The following TRPV3 variants were observed in gnomAD, a reference collection of about 807,000 sequenced individuals.
TRPV3 encodes VRL-3.
In TRPV3, 88 loss-of-function variants were observed where a neutral mutation model predicts 87.1. The ratio of observed to expected loss-of-function variants is 1.01; its 90% CI spans 0.85 to 1.21. The LOEUF (loss-of-function observed/expected upper bound fraction) is 1.21. Ranked by LOEUF, TRPV3 falls within the 50% of genes most tolerant of loss-of-function variation. The pLI, the probability that TRPV3 is intolerant of heterozygous loss-of-function variation, is 0.00. For synonymous variants in TRPV3, 438 were observed against 423.3 expected, an observed-to-expected ratio of 1.03 and a Z score of -0.43; for missense variants, 1,054 against 1,030.1, an observed-to-expected ratio of 1.02 and a Z score of -0.32.
chr17:3,522,687 C>T (rs1429942693), intron 13 of TRPV3, among the ~76,000 whole-genome samples: 2 of 151,544 alleles, frequency 1.3e-5, no homozygotes, highest in Non-Finnish European at 2.9e-5. Flanking sequence ...GGGCATGGTG[C>T]ATGCCTGTAG....
chr17:3,516,440 C>G lies in TRPV3; in HGVS notation c.2198+17G>C. On this transcript the variant is annotated intron_variant, in intron 16 of 17. Coordinates refer to ENST00000576742, the MANE Select transcript of TRPV3 (RefSeq NM_145068.4). ...ACCCCAAAGACCACCACCCCAGGGCCCTTCTCCCTTTGTTACCGCAAACAC... is the reference window on the plus strand; with the variant it reads ...ACCCCAAAGACCACCACCCCAGGGCGCTTCTCCCTTTGTTACCGCAAACAC... 6.2e-7 allele frequency: 1 copy of G among 1,607,044 alleles called. No individual in the cohort carries two copies.
At chr17:3,554,574 C>T (rs910484157) in intron 2 of TRPV3, 158 bp downstream of exon 2, 5 of 614,002 alleles carry the variant, frequency 8.1e-6, no homozygotes, top group Non-Finnish European at 1.4e-5. Context: ...CTCCCCACCG[C>T]ACCATCCCCT....
chr17:3,538,781 C>T (rs2074431391), intron 6 of TRPV3, among the ~76,000 whole-genome samples: 1 of 152,144 alleles, frequency 6.6e-6, no homozygotes, highest in South Asian at 2.1e-4. Context: ...GATGGGTTTT[C>T]ACCATGTTGG....
chr17:3,535,782 G>C, intron 6 of TRPV3, 69 bp from the exon 7 acceptor site: 1 of 1,396,542 alleles, frequency 7.2e-7, no homozygotes. Flanking sequence ...CACCCGCTCT[G>C]GCCTCCATAC....
chr17:3,535,262 C>T (rs2150794629), intron 7 of TRPV3, among the ~76,000 whole-genome samples: 1 of 114,170 alleles, frequency 8.8e-6, no homozygotes, highest in African/African-American at 3.3e-5. Context: ...ACTCCTCCTC[C>T]CTCTCCCTCC....
At position 3,510,571 on chromosome 17, in the gene TRPV3, C is replaced by T. The variant is rs2074098793; in HGVS notation, c.*3346G>A. The T allele has an allele frequency of 6.6e-6, 1 of 152,178 alleles. No individual in the cohort carries two copies. Among genetic ancestry groups the T allele is most frequent in the African/African-American group, 2.4e-5 (1 of 41,438 alleles). 9.4% of individuals were successfully genotyped at this position (152,178 alleles called of 1,614,324 possible). On this transcript the variant is annotated 3_prime_UTR_variant, in exon 18 of 18. Transcript: ENST00000576742. ...CTTCAATGGCACAAACATGTTCTTA[C>T]TCTTTGTATGATTTCTTTCTTGAAC... is the stretch of plus-strand genomic sequence containing the variant.
At chr17:3,549,452 A>G (rs2074553084) in intron 2 of TRPV3, among the ~76,000 whole-genome samples, 1 of 152,200 alleles carries the variant, frequency 6.6e-6, no homozygotes, top group Non-Finnish European at 1.5e-5. Context: ...ACATTCCTCA[A>G]TGGCAGAGAC....
chr17:3,542,846 C>T, intron 5 of TRPV3, 148 bp from the exon 6 acceptor site: 2 of 806,314 alleles, frequency 2.5e-6, no homozygotes, highest in Non-Finnish European at 3.8e-6. Context: ...CGCTCTCCTC[C>T]CTCTCCAGCT....
At chr17:3,551,823 T>G (rs1374906466) in intron 2 of TRPV3, among the ~76,000 whole-genome samples, 1 of 150,812 alleles carries the variant, frequency 6.6e-6, no homozygotes, top group Non-Finnish European at 1.5e-5. Context: ...ATTAGGCCTG[T>G]TTCCTTAGGG....
At chr17:3,542,836 C>T (rs1274252970) in intron 5 of TRPV3, 138 bp from the exon 6 acceptor site, 6 of 857,720 alleles carry the variant, frequency 7.0e-6, no homozygotes, top group African/African-American at 3.4e-5. Flanking sequence ...TACACTTGGC[C>T]GCTCTCCTCC....
At position 3,530,001 on chromosome 17, in the gene TRPV3, C is replaced by T; in HGVS notation, c.1242+26G>A. On this transcript the variant is annotated intron_variant, in intron 9 of 17. Transcript: ENST00000576742. This position sits in a 1 kb window ranked among gnomAD's most constrained non-coding sequence, Gnocchi z 4.0. ...GAGGTCCAGCCCTCTTCTCCCTGCC[C>T]TTCCCCGCCTGTGCAGGAGACCCAC... The T allele has an allele frequency of 6.3e-7, 1 of 1,599,302 alleles. No individual in the cohort carries two copies.
chr17:3,525,592 T>C (rs995507030), intron 12 of TRPV3, among the ~76,000 whole-genome samples: 11 of 152,040 alleles, frequency 7.2e-5, no homozygotes, highest in Admixed American at 3.3e-4. Flanking sequence ...AATGCTAACT[T>C]TTATGCTATG....
intron 2 of TRPV3, among the ~76,000 whole-genome samples, chr17:3,551,320 G>T (rs898071867): frequency 6.6e-6 from 1 of 152,142 alleles, no homozygotes; most frequent in East Asian, 1.9e-4. Context: ...TCTGTCCTGC[G>T]CCCGCCCTAC....
intron 4 of TRPV3, 107 bp from the exon 5 acceptor site, chr17:3,543,735 C>T: frequency 6.9e-7 from 1 of 1,449,846 alleles, no homozygotes; most frequent in Non-Finnish European, 9.4e-7. Context: ...CCGCCAACAT[C>T]TCCCATGCCT....
Position 3,511,387 on chromosome 17 carries a change from C to T in TRPV3, c.*2530G>A, listed in dbSNP as rs779532760. The T allele has an allele frequency of 2.6e-5, 4 of 152,170 alleles. No individual in the cohort carries two copies. The highest frequency in any genetic ancestry group is 5.9e-5 in the Non-Finnish European group (4 of 68,048). The allele number at this position is 152,170 out of a possible 1,614,324, so 9.4% of individuals were successfully genotyped here. ...AATGGCTCAGGGAGACATCTGTGGT[C>T]CAAGAATCAGGACACTCCAGCCTCC... On this transcript the variant is annotated 3_prime_UTR_variant, in exon 18 of 18. Coordinates refer to ENST00000576742, the MANE Select transcript of TRPV3 (RefSeq NM_145068.4).
intron 2 of TRPV3, chr17:3,553,755 C>T (rs574366878): frequency 6.6e-6 from 1 of 152,446 alleles, no homozygotes. Flanking sequence ...GCATTTTTCT[C>T]TCCATGTCCC....
chr17:3,524,099 C>A, intron 13 of TRPV3, 99 bp downstream of exon 13: 1 of 1,472,224 alleles, frequency 6.8e-7, no homozygotes. Flanking sequence ...CAGTGACCTG[C>A]CCCTTGGTAA....
Position 3,528,177 on chromosome 17 carries a change from C to A in TRPV3, c.1402-51G>T, listed in dbSNP as rs776945814. On this transcript the variant is annotated intron_variant, in intron 10 of 17. Transcript: ENST00000576742. The surrounding 1 kb of genome is among the most constrained non-coding windows in gnomAD (Gnocchi z 4.2). ...AGTATAGGAAGCAAGGAGGACAGGG[C>A]TGGCACCAACTCTAGAGGGACCAAA... 3.5e-6 allele frequency: 5 copies of A among 1,447,626 alleles called. No homozygotes were observed. The highest frequency in any genetic ancestry group is 4.7e-6 in the Non-Finnish European group (5 of 1,053,598). The allele number at this position is 1,447,626 out of a possible 1,614,324, so 89.7% of individuals were successfully genotyped here.
At chr17:3,531,130 T>C (rs1318232845) in intron 8 of TRPV3, among the ~76,000 whole-genome samples, 1 of 151,752 alleles carries the variant, frequency 6.6e-6, no homozygotes, top group Admixed American at 6.6e-5. Context: ...AATCGAAATA[T>C]CCAGGGTGGG....
Sources: gnomAD v4.1 joint callset for allele counts (sites outside exome capture counted in the v4.1 genomes callset) on GRCh38, gnomAD v4.1.1 for gene constraint, Gnocchi (gnomAD v3.1) non-coding constraint, MANE v1.5 for transcripts, NCBI Gene and HGNC (gene_info 2026-07-23, HGNC 2026-07-21) for gene names.